The following REEP5 variants were observed in gnomAD, a reference collection of about 807,000 sequenced individuals.
REEP5 encodes the protein receptor accessory protein 5, also known as receptor expression-enhancing protein 5.
In REEP5, 24 loss-of-function variants were observed where a neutral mutation model predicts 22.4. That is an observed-to-expected ratio of 1.07 (90% CI 0.78 to 1.51). The LOEUF (loss-of-function observed/expected upper bound fraction) is 1.51, where lower values mean the gene tolerates loss of function less well. Ranked by LOEUF, REEP5 falls within the 40% of genes most tolerant of loss-of-function variation. The pLI is 0.00. For synonymous variants in REEP5, 103 were observed against 88.6 expected, an observed-to-expected ratio of 1.16 and a Z score of -0.92; for missense variants, 252 against 233.0, an observed-to-expected ratio of 1.08 and a Z score of -0.53.
chr5:112,896,076 C>G (rs1246195471), intron 3 of REEP5: 1 of 152,620 alleles, frequency 6.6e-6, no homozygotes, highest in African/African-American at 2.4e-5. Context: ...CATGCAGTTA[C>G]GGAACTGAGA....
At chr5:112,896,575 G>C (rs1461513387) in intron 3 of REEP5, 1 of 152,126 alleles carries the variant, frequency 6.6e-6, no homozygotes, top group African/African-American at 2.4e-5. Context: ...CTGTCAATGG[G>C]TGAAATAGCA....
intron 4 of REEP5, chr5:112,881,939 G>GT (rs111457700): frequency 0.021 from 3,033 of 142,378 alleles, 36 homozygotes; most frequent in African/African-American, 0.039. Context: ...TAATTTTTGT[G>GT]TTTTTTTTTT....
chr5:112,906,836 C>A (rs1292242906), intron 2 of REEP5, among the ~76,000 whole-genome samples: 1 of 152,096 alleles, frequency 6.6e-6, no homozygotes, highest in African/African-American at 2.4e-5. Context: ...AGCACCTGCC[C>A]TACGTGTTCT....
chr5:112,914,074 T>G (rs1338917409), intron 2 of REEP5, among the ~76,000 whole-genome samples: 2 of 150,206 alleles, frequency 1.3e-5, no homozygotes, highest in African/African-American at 4.9e-5. Context: ...CTTGAGAAAG[T>G]CAAGGCTGCA....
intron 3 of REEP5, chr5:112,892,401 C>T (rs1178213828): frequency 1.9e-6 from 3 of 1,614,006 alleles, no homozygotes; most frequent in Non-Finnish European, 2.5e-6. Context: ...AGTTCAAGAA[C>T]GTGGGGAAAG....
chr5:112,900,187 TTTTC>T (rs1768811004), intron 3 of REEP5, among the ~76,000 whole-genome samples: 1 of 152,206 alleles, frequency 6.6e-6, no homozygotes, highest in Non-Finnish European at 1.5e-5. Context: ...CCTTTTCCCA[TTTTC>T]TTTTTCTTTT....
At chr5:112,879,766 A>G (rs1265831127) in intron 4 of REEP5, among the ~76,000 whole-genome samples, 1 of 151,986 alleles carries the variant, frequency 6.6e-6, no homozygotes, top group African/African-American at 2.4e-5. Context: ...GTAAGCCACC[A>G]TGCCCGGCCT....
At chr5:112,915,575 C>A (rs1769213530) in intron 2 of REEP5, among the ~76,000 whole-genome samples, 1 of 152,166 alleles carries the variant, frequency 6.6e-6, no homozygotes, top group Non-Finnish European at 1.5e-5. Flanking sequence ...CTTAAGATTT[C>A]AGATTTAAAT....
intron 2 of REEP5, among the ~76,000 whole-genome samples, chr5:112,914,311 T>G (rs139076912): frequency 0.012 from 1,729 of 150,088 alleles, 20 homozygotes; most frequent in Non-Finnish European, 0.015. Context: ...TGCAGTGGCA[T>G]CAACACAGCT....
chr5:112,895,204 A>T (rs1768641681), intron 3 of REEP5: 1 of 116,118 alleles, frequency 8.6e-6, no homozygotes, highest in Non-Finnish European at 1.7e-5. Flanking sequence ...GCGCCACTGC[A>T]CTCCAGCCTG....
chr5:112,877,119 A>G lies in REEP5; in HGVS notation c.*1667T>C, dbSNP rs1370410665. ...AAGAACAATTTTGTTTGCTTTCTAC[A>G]AAGTTTTAAGTTTAATAAAATGCCG... On this transcript the variant is annotated 3_prime_UTR_variant, in exon 5 of 5. Coordinates refer to ENST00000379638, the MANE Select transcript of REEP5 (RefSeq NM_005669.5). 2 of 152,178 alleles carry G rather than the reference A, an allele frequency of 1.3e-5. No homozygotes were observed. Among genetic ancestry groups the G allele is most frequent in the Non-Finnish European group, 2.9e-5 (2 of 68,024 alleles). The allele number at this position is 152,178 out of a possible 1,614,324, so 9.4% of individuals were successfully genotyped here. A position where few individuals can be genotyped will look rare whatever the true frequency, so the allele number is the denominator to read the frequency against.
chr5:112,899,656 C>T (rs1197688177), intron 3 of REEP5, among the ~76,000 whole-genome samples: 1 of 152,142 alleles, frequency 6.6e-6, no homozygotes, highest in East Asian at 1.9e-4. Flanking sequence ...CTTTGTGCAG[C>T]TCTTTAATGC....
chr5:112,921,320 C>T (rs1485607421), intron 1 of REEP5, 64 bp from the exon 2 acceptor site: 2 of 1,472,726 alleles, frequency 1.4e-6, no homozygotes, highest in Non-Finnish European at 1.9e-6. Context: ...GGACAGCCGC[C>T]GCCCACACCG....
chr5:112,919,326 T>C (rs2150049316), intron 2 of REEP5, among the ~76,000 whole-genome samples: 1 of 152,240 alleles, frequency 6.6e-6, no homozygotes, highest in East Asian at 1.9e-4. Flanking sequence ...GACAGGTGGA[T>C]CACCTGAGGT....
intron 3 of REEP5, chr5:112,894,893 A>G (rs1768631174): frequency 6.6e-6 from 1 of 152,236 alleles, no homozygotes; most frequent in African/African-American, 2.4e-5. Flanking sequence ...AGATGTCCAT[A>G]TTAAAACCAG....
intron 2 of REEP5, among the ~76,000 whole-genome samples, chr5:112,917,142 C>T (rs1172781875): frequency 6.6e-6 from 1 of 152,268 alleles, no homozygotes; most frequent in African/African-American, 2.4e-5. Context: ...GTCTTGAACT[C>T]CTGGCCTCAA....
At chr5:112,892,598 T>C (rs1163853797) in intron 3 of REEP5, 1 of 1,614,184 alleles carries the variant, frequency 6.2e-7, no homozygotes, top group South Asian at 1.1e-5. Context: ...TGTGGTTTAT[T>C]TGAAATACAA....
intron 2 of REEP5, among the ~76,000 whole-genome samples, chr5:112,919,954 T>C (rs1414088352): frequency 1.3e-5 from 2 of 152,234 alleles, no homozygotes; most frequent in Non-Finnish European, 2.9e-5. Context: ...ATATTGGTTA[T>C]GCAATGAACA....
At chr5:112,882,677 T>TGGCTGTTTTCACACTACAA (rs1768117270) in intron 4 of REEP5, among the ~76,000 whole-genome samples, 3 of 152,232 alleles carry the variant, frequency 2.0e-5, no homozygotes, top group Non-Finnish European at 4.4e-5. Flanking sequence ...GTAGTGTCCA[T>TGGCTGTTTTCACACTACAA]GGCTGTTTTC....
Sources: allele counts gnomAD v4.1 joint callset (sites outside exome capture counted in the v4.1 genomes callset), GRCh38; gene constraint gnomAD v4.1.1; transcripts MANE v1.5; gene names NCBI Gene and HGNC (gene_info 2026-07-23, HGNC 2026-07-21).